Variants in NBDY observed in about 807,000 individuals in gnomAD.
The protein encoded by NBDY is P-body dissociating protein.
At chrX:56,811,642 G>A (rs749407370) in intron 2 of NBDY, among the ~76,000 whole-genome samples, 76 of 112,019 alleles carry the variant, frequency 6.8e-4, no homozygotes, top group Non-Finnish European at 1.2e-3. Flanking sequence ...AGCTCAGAGT[G>A]GTGTGCTAGC....
At chrX:56,812,626 A>G (rs1423127639) in intron 2 of NBDY, among the ~76,000 whole-genome samples, 1 of 110,281 alleles carries the variant, frequency 9.1e-6, no homozygotes, top group African/African-American at 3.3e-5. Context: ...CTCAGAAAGG[A>G]CCCCATCAAT....
chrX:56,792,212 A>C (rs1216615475), intron 2 of NBDY, among the ~76,000 whole-genome samples: 3 of 111,069 alleles, frequency 2.7e-5, no homozygotes, highest in African/African-American at 9.8e-5. Flanking sequence ...AGCTGCCCAC[A>C]TGTTATATTT....
chrX:56,786,635 GCTT>G (rs36059700), intron 2 of NBDY, among the ~76,000 whole-genome samples: 57,056 of 105,349 alleles, frequency 0.54, 13,922 homozygotes, highest in Non-Finnish European at 0.74. Context: ...CCTTCTTTCT[GCTT>G]CTTCTTTTTC....
Position 56,818,716 on chromosome X carries a change from A to G in NBDY, c.*1563A>G, listed in dbSNP as rs773618292. 4.5e-5 allele frequency: 5 copies of G among 112,080 alleles called. 1 individual carries two copies. The South Asian group carries it at 1.8e-3, about 41-fold the overall frequency. The allele number at this position is 112,080 out of a possible 1,213,427, so 9.2% of individuals were successfully genotyped here. A position where few individuals can be genotyped will look rare whatever the true frequency, so the allele number is the denominator to read the frequency against. Reference sequence around the variant, plus strand: ...TAAAGTTCATATGAAAATGTAATGGACCCAGAATAGCCAAAACAATCTTGA... The same window carrying G: ...TAAAGTTCATATGAAAATGTAATGGGCCCAGAATAGCCAAAACAATCTTGA... On this transcript the variant is annotated 3_prime_UTR_variant, in exon 3 of 3. Coordinates refer to ENST00000374922, the MANE Select transcript of NBDY (RefSeq NM_001348129.2).
chrX:56,790,610 C>G (rs1191836053), intron 2 of NBDY, among the ~76,000 whole-genome samples: 2 of 112,436 alleles, frequency 1.8e-5, no homozygotes. Context: ...GATCTGACTG[C>G]GTCTTTAGGA....
chrX:56,816,113 T>G (rs1297080890), intron 2 of NBDY, among the ~76,000 whole-genome samples: 2 of 111,357 alleles, frequency 1.8e-5, no homozygotes, highest in Admixed American at 1.9e-4. Context: ...AGATAGATAA[T>G]GGATGCCATT....
At chrX:56,743,013 T>G (rs1359169608) in intron 2 of NBDY, among the ~76,000 whole-genome samples, 1 of 111,331 alleles carries the variant, frequency 9.0e-6, no homozygotes, top group Non-Finnish European at 1.9e-5. Flanking sequence ...TACCCATTTT[T>G]GAAGGTTTTT....
intron 2 of NBDY, among the ~76,000 whole-genome samples, chrX:56,787,322 A>G (rs186573444): frequency 3.5e-4 from 39 of 110,959 alleles, no homozygotes; most frequent in African/African-American, 1.2e-3. Context: ...ACACACACAC[A>G]CAAACACACA....
chrX:56,754,645 A>C (rs1451468075), intron 2 of NBDY, among the ~76,000 whole-genome samples: 3 of 112,144 alleles, frequency 2.7e-5, no homozygotes, highest in African/African-American at 9.7e-5. Context: ...AAAATTGTGA[A>C]ATAAATGAAA....
chrX:56,760,576 G>A (rs938307438), intron 2 of NBDY, among the ~76,000 whole-genome samples: 5 of 111,775 alleles, frequency 4.5e-5, no homozygotes. Context: ...TCCCAACTAC[G>A]GGGAGGCTGA....
At chrX:56,816,768 CTA>C (rs1205528917) in intron 2 of NBDY, among the ~76,000 whole-genome samples, 7 of 110,498 alleles carry the variant, frequency 6.3e-5, no homozygotes, top group Non-Finnish European at 1.1e-4. Flanking sequence ...GAATTGATAA[CTA>C]TGTTTTCTTC....
chrX:56,763,767 T>G (rs887377313), intron 2 of NBDY, among the ~76,000 whole-genome samples: 9 of 112,661 alleles, frequency 8.0e-5, no homozygotes, highest in African/African-American at 2.9e-4. Context: ...CACGGTCCCA[T>G]GAGTTTGGTG....
chrX:56,738,209 T>C (rs1272734444), intron 2 of NBDY, among the ~76,000 whole-genome samples: 2 of 112,520 alleles, frequency 1.8e-5, no homozygotes, highest in East Asian at 5.5e-4. Flanking sequence ...TTGTCTTTTA[T>C]GTTTATAGAA....
rs201013412 is a variant in NBDY, at chrX:56,796,653, G to A, written c.*167-20667G>A. On this transcript the variant is annotated intron_variant, in intron 2 of 2. Transcript: ENST00000374922. ...TTTCCCTGATATATATTTCCTCCCC[G>A]TTTTTCATCTTCCTCTCTTTTTGGG... Among the ~76,000 whole-genome samples the A allele has an allele frequency of 2.0e-4, 22 of 111,033 alleles. No homozygotes were observed. The East Asian group carries it at 3.7e-3, about 19-fold the overall frequency.
intron 2 of NBDY, among the ~76,000 whole-genome samples, chrX:56,740,039 C>T (rs937094818): frequency 3.6e-5 from 4 of 111,615 alleles, no homozygotes; most frequent in African/African-American, 1.3e-4. Flanking sequence ...TAAAAATACC[C>T]TATTGTTATT....
intron 2 of NBDY, among the ~76,000 whole-genome samples, chrX:56,808,718 TTCATTGATTTTTTTGATGGG>T (rs1388293065): frequency 5.4e-5 from 6 of 112,011 alleles, no homozygotes; most frequent in Non-Finnish European, 1.1e-4. Context: ...AGCTCCTGGA[TTCATTGATTTTTTTGATGGG>T]TTTTTCTTGT....
intron 2 of NBDY, among the ~76,000 whole-genome samples, chrX:56,808,707 G>A (rs745800316): frequency 5.4e-5 from 6 of 111,296 alleles, no homozygotes; most frequent in Non-Finnish European, 9.4e-5. Context: ...TTCAAAAAAC[G>A]AGCTCCTGGA....
chrX:56,737,520 A>G (rs1254529183), intron 2 of NBDY: 3 of 946,282 alleles, frequency 3.2e-6, no homozygotes, highest in Non-Finnish European at 4.5e-6. Flanking sequence ...TTGTAATACC[A>G]TTTTCGAATA....
chrX:56,736,085 A>G lies in NBDY; in HGVS notation c.*166+3886A>G, dbSNP rs187659002. 1.7e-4 allele frequency among the ~76,000 whole-genome samples: 19 copies of G among 111,158 alleles called. 1 individual carries two copies. In the East Asian group the frequency reaches 5.4e-3, roughly 31 times the overall value. On this transcript the variant is annotated intron_variant, in intron 2 of 2. Coordinates refer to ENST00000374922, the MANE Select transcript of NBDY (RefSeq NM_001348129.2). ...TAAATGTAACACAAATTTGTTTTTC[A>G]CACTGTTTTGTTAGTTGAGGTAAGG...
Sources: gnomAD v4.1 joint callset for allele counts (sites outside exome capture counted in the v4.1 genomes callset) on GRCh38, gnomAD v4.1.1 for gene constraint, MANE v1.5 for transcripts, NCBI Gene and HGNC (gene_info 2026-07-23, HGNC 2026-07-21) for gene names.